SPTA1: variants seen among roughly 807,000 people sequenced by gnomAD.
SPTA1 encodes the protein spectrin alpha, erythrocytic 1, also known as spectrin alpha chain, erythrocytic 1.
SPTA1 carries 177 observed loss-of-function variants against 324.7 expected under a neutral mutation model. That is an observed-to-expected ratio of 0.55 (90% CI 0.48 to 0.62). The LOEUF is 0.62. Ranked by LOEUF, SPTA1 falls within the 20% of genes least tolerant of loss-of-function variation. SPTA1 has a pLI of 0.00. For missense variants in SPTA1, 3,162 were observed against 2,883.6 expected (o/e 1.10, Z -2.21); for synonymous variants, 1,195 against 1,041.3 (o/e 1.15, Z -2.84).
Position 158,657,596 on chromosome 1 carries a change from C to T in SPTA1, c.2686G>A (p.Glu896Lys), listed in dbSNP as rs920445761. The change falls in exon 19 of 52, where the codon GAA becomes AAA. Residue 896 changes from glutamate (E) to lysine (K), a missense_variant. By Grantham distance (56) the Glu-to-Lys change is moderately conservative (BLOSUM62 1). Transcript: ENST00000643759. Reference protein sequence around the residue: ...ARAARRQNDLEANVQFQQYLA... With the variant: ...ARAARRQNDLKANVQFQQYLA... The stretch of plus-strand genomic sequence containing the variant: ...TACTGCTGGAACTGGACATTGGCTT[C>T]AAGATCATTTTGTCGCCTAGCAGCT... The T allele has an allele frequency of 1.9e-6, 3 of 1,613,968 alleles. No individual in the cohort carries two copies. Among genetic ancestry groups the T allele is most frequent in the Non-Finnish European group, 1.7e-6 (2 of 1,180,012 alleles).
In SPTA1 at chr1:158,678,384, A is replaced by G; in HGVS notation, c.812+17T>C. 1.2e-6 allele frequency: 2 copies of G among 1,613,494 alleles called. No homozygotes were observed. The highest frequency in any genetic ancestry group is 1.7e-4 in the Middle Eastern group (1 of 6,054). On this transcript the variant is annotated intron_variant, in intron 6 of 51. Coordinates refer to ENST00000643759, the MANE Select transcript of SPTA1 (RefSeq NM_003126.4). Reference sequence around the variant, plus strand: ...AGCACTTCAAAGTTTTCTATAAAGCAGTGGCCAGATCCATACCTTTTGAAT... The same window carrying G: ...AGCACTTCAAAGTTTTCTATAAAGCGGTGGCCAGATCCATACCTTTTGAAT...
chr1:158,635,345 T>C lies in SPTA1; in HGVS notation c.5432+568A>G, dbSNP rs547213003. On this transcript the variant is annotated intron_variant, in intron 38 of 51. Transcript: ENST00000643759. ...CCGCCCGCTCCCTGCCTTGCTAAGATGTTCTTCTTTCTTTGCATTCTGCCA... is the reference window on the plus strand; with the variant it reads ...CCGCCCGCTCCCTGCCTTGCTAAGACGTTCTTCTTTCTTTGCATTCTGCCA... Among the ~76,000 whole-genome samples, 14 of 151,664 alleles carry C rather than the reference T, an allele frequency of 9.2e-5. No homozygotes were observed. In the South Asian group the frequency reaches 2.5e-3, roughly 27 times the overall value.
At position 158,686,599 on chromosome 1, in the gene SPTA1, A is replaced by G. The variant is rs995037546; in HGVS notation, c.-82T>C. On this transcript the variant is annotated 5_prime_UTR_variant, in exon 1 of 52. Transcript: ENST00000643759. Reference sequence around the variant, plus strand: ...AGAAATAATTCAAATGGAACTGTCCAGTCGAATTCAAATAGAAATATAGAA... The same window carrying G: ...AGAAATAATTCAAATGGAACTGTCCGGTCGAATTCAAATAGAAATATAGAA... 6 of 1,099,338 alleles carry G rather than the reference A, an allele frequency of 5.5e-6. No individual in the cohort carries two copies. Among genetic ancestry groups the G allele is most frequent in the Middle Eastern group, 2.0e-4 (1 of 4,952 alleles). The allele number at this position is 1,099,338 out of a possible 1,614,324, so 68.1% of individuals were successfully genotyped here.
At position 158,680,585 on chromosome 1, in the gene SPTA1, C is replaced by T. The variant is rs549232925; in HGVS notation, c.676G>A (p.Glu226Lys). The change falls in exon 5 of 52, where the codon GAG becomes AAG. Residue 226 changes from glutamate (E) to lysine (K), a missense_variant and splice_region_variant. Physicochemically the swap from Glu to Lys is moderately conservative, Grantham distance 56. Coordinates refer to ENST00000643759, the MANE Select transcript of SPTA1 (RefSeq NM_003126.4). ...TGAATATTTTGCTCCCACCTCACCTCGGCACACTCATTGGCATATTGGTTC... is the reference window on the plus strand; with the variant it reads ...TGAATATTTTGCTCCCACCTCACCTTGGCACACTCATTGGCATATTGGTTC... ...EVNQYANECA[E>K]ENHPDLPLIQ... The T allele has an allele frequency of 4.2e-5, 67 of 1,613,814 alleles. No homozygotes were observed. The highest frequency in any genetic ancestry group is 2.2e-4 in the East Asian group (10 of 44,866).
At position 158,663,981 on chromosome 1, in the gene SPTA1, G is replaced by GA. The variant is rs577989985; in HGVS notation, c.2221-1037dup. ...ATTTTATCTATGGCTCCTCAATTTG[G>GA]AAAAAAGTTTAAAAATATGGACTAT... On this transcript the variant is annotated intron_variant, in intron 16 of 51. Coordinates refer to ENST00000643759, the MANE Select transcript of SPTA1 (RefSeq NM_003126.4). 1.2e-3 allele frequency among the ~76,000 whole-genome samples: 181 copies of GA among 152,194 alleles called. 4 individuals are homozygous for GA. In the East Asian group the frequency reaches 0.023, roughly 19 times the overall value.
Position 158,672,053 on chromosome 1 carries a change from C to T in SPTA1, c.1488+6G>A, listed in dbSNP as rs372620140. 248 of 1,613,772 alleles carry T rather than the reference C, an allele frequency of 1.5e-4. No homozygotes were observed. In the African/African-American group the frequency reaches 1.6e-3, roughly 10 times the overall value. On this transcript the variant is annotated splice_donor_region_variant and intron_variant, in intron 11 of 51. Coordinates refer to ENST00000643759, the MANE Select transcript of SPTA1 (RefSeq NM_003126.4). ...TTCTAGAGATGGTATGGACCCCTCC[C>T]GTTACCTCTTGTCTACTCATCCAAC...
chr1:158,622,553 A>G (rs533650154), intron 43 of SPTA1, among the ~76,000 whole-genome samples: 1 of 152,326 alleles, frequency 6.6e-6, no homozygotes, highest in Non-Finnish European at 1.5e-5. Context: ...GTTTAGAGAT[A>G]TTAAATGACT....
At chr1:158,671,234 T>C (rs1208119984) in intron 12 of SPTA1, 109 bp downstream of exon 12, 5 of 776,030 alleles carry the variant, frequency 6.4e-6, no homozygotes, top group Non-Finnish European at 1.1e-5. Flanking sequence ...GGGATAATCC[T>C]CAGGCTATGT....
intron 33 of SPTA1, among the ~76,000 whole-genome samples, chr1:158,640,210 G>T (rs376032494): frequency 8.8e-4 from 134 of 152,244 alleles, no homozygotes; most frequent in African/African-American, 3.1e-3. Context: ...TTAAAAAAGG[G>T]TCCTGTGTTG....
rs201048261 is a variant in SPTA1 at position 158,666,435 on chromosome 1, G to T, written c.2101C>A (p.Arg701Ser). The change falls in exon 16 of 52, where the codon CGC becomes AGC. Residue 701 changes from arginine to serine, a missense_variant. Coordinates refer to ENST00000643759, the MANE Select transcript of SPTA1 (RefSeq NM_003126.4). ...TGCCACTCAACATCCTCCAGCCAGCGCTGCAAATCTTCTGCATTATTTTCA... is the reference window on the plus strand; with the variant it reads ...TGCCACTCAACATCCTCCAGCCAGCTCTGCAAATCTTCTGCATTATTTTCA... Reference protein sequence around the residue: ...QFENNAEDLQRWLEDVEWQVT... With the variant: ...QFENNAEDLQSWLEDVEWQVT... 378 of 1,613,192 alleles carry T rather than the reference G, an allele frequency of 2.3e-4. 1 individual carries two copies. Among genetic ancestry groups the T allele is most frequent in the Non-Finnish European group, 3.1e-4 (362 of 1,179,964 alleles).
chr1:158,615,505 T>A (rs1449510129), intron 47 of SPTA1, 102 bp from the exon 48 acceptor site: 1 of 1,161,390 alleles, frequency 8.6e-7, no homozygotes, highest in Non-Finnish European at 1.3e-6. Flanking sequence ...TTTTCAGGAA[T>A]CTTCTTGTTC....
intron 1 of SPTA1, among the ~76,000 whole-genome samples, chr1:158,686,095 C>T (rs1655153394): frequency 6.6e-6 from 1 of 152,196 alleles, no homozygotes; most frequent in South Asian, 2.1e-4. Flanking sequence ...ACCATTTTCC[C>T]TAGCTTACCT....
Position 158,686,557 on chromosome 1 carries a change from C to CAGAGAG in SPTA1, c.-46_-41dup, listed in dbSNP as rs111674514. On this transcript the variant is annotated 5_prime_UTR_variant, in exon 1 of 52. Transcript: ENST00000643759. ...TAGAACCTGGCAAGATAAAATGTGT[C>CAGAGAG]AGAGAGAGAGAGAGAGAGAAATAAT... The CAGAGAG allele has an allele frequency of 4.0e-3, 4,032 of 1,016,976 alleles. 2 individuals carry two copies. The highest frequency in any genetic ancestry group is 7.9e-3 in the Middle Eastern group (36 of 4,548). 63.0% of individuals were successfully genotyped at this position (1,016,976 alleles called of 1,614,324 possible).
chr1:158,640,911 C>A (rs1651508766), intron 33 of SPTA1, among the ~76,000 whole-genome samples: 1 of 152,156 alleles, frequency 6.6e-6, no homozygotes, highest in Non-Finnish European at 1.5e-5. Flanking sequence ...TCAAACTATA[C>A]TACAAGGCTA....
intron 27 of SPTA1, among the ~76,000 whole-genome samples, chr1:158,646,414 T>C (rs867731749): frequency 1.2e-4 from 19 of 152,114 alleles, no homozygotes; most frequent in African/African-American, 4.6e-4. Context: ...GTACCAAACA[T>C]TGTGAAAAAG....
intron 33 of SPTA1, 110 bp from the exon 34 acceptor site, chr1:158,640,117 G>T: frequency 1.5e-6 from 2 of 1,378,248 alleles, no homozygotes; most frequent in South Asian, 1.2e-5. Flanking sequence ...GCCAAAATTT[G>T]CTGATACTTG....
intron 43 of SPTA1, among the ~76,000 whole-genome samples, chr1:158,622,489 G>A (rs1649979310): frequency 6.6e-6 from 1 of 152,078 alleles, no homozygotes; most frequent in South Asian, 2.1e-4. Flanking sequence ...AGTGATAACA[G>A]AAAGGCAGAA....
intron 29 of SPTA1, 118 bp downstream of exon 29, chr1:158,645,070 G>T: frequency 9.7e-7 from 1 of 1,026,450 alleles, no homozygotes; most frequent in Non-Finnish European, 1.5e-6. Flanking sequence ...TAAGAGATGA[G>T]CTCCCTTTGT....
chr1:158,682,530 T>C (rs1428194037), intron 3 of SPTA1, among the ~76,000 whole-genome samples: 1 of 152,202 alleles, frequency 6.6e-6, no homozygotes, highest in Non-Finnish European at 1.5e-5. Context: ...AAAATAAGAT[T>C]CTATTCTGGC....
Sources: allele counts gnomAD v4.1 joint callset (sites outside exome capture counted in the v4.1 genomes callset), GRCh38; gene constraint gnomAD v4.1.1; transcripts MANE v1.5; gene names NCBI Gene and HGNC (gene_info 2026-07-23, HGNC 2026-07-21).